The following FBN2 variants were observed in gnomAD, a reference collection of about 807,000 sequenced individuals.
FBN2 encodes fibrillin-2.
In FBN2, 105 loss-of-function variants were observed where a neutral mutation model predicts 355.6. That is an observed-to-expected ratio of 0.30 (90% CI 0.25 to 0.35). The LOEUF is 0.35. FBN2 is among the 10% of genes least tolerant of loss of function. The probability of loss-of-function intolerance (pLI) is 1.00; values close to 1 mark genes in which losing one functional copy is unlikely to be tolerated. For synonymous variants in FBN2, 1,350 were observed against 1,301.2 expected (o/e 1.04, Z -0.81); for missense variants, 3,280 against 3,758.7 (o/e 0.87, Z 3.33).
chr5:128,406,064 T>G (rs1220662279), intron 8 of FBN2, among the ~76,000 whole-genome samples: 1 of 152,132 alleles, frequency 6.6e-6, no homozygotes, highest in South Asian at 2.1e-4. Context: ...TCCTATAGAG[T>G]TCAAGAAAAT....
At chr5:128,261,708 G>A in intron 64 of FBN2, 28 bp downstream of exon 64, 1 of 1,611,840 alleles carries the variant, frequency 6.2e-7, no homozygotes. Context: ...ATAAAATTTT[G>A]TGGCAACACA....
rs1423176685 is a variant in FBN2, at chr5:128,427,609, G to A, written c.953-18810C>T. Among the ~76,000 whole-genome samples, 3 of 152,290 alleles carry A rather than the reference G, an allele frequency of 2.0e-5. No individual in the cohort carries two copies. The South Asian group carries it at 6.2e-4, about 32-fold the overall frequency. On this transcript the variant is annotated intron_variant, in intron 7 of 64. Transcript: ENST00000262464. Reference sequence around the variant, plus strand: ...TAAAGCTGCTCTTTATTAATCAATTGCAAATTGGAAAATATTTGGCTCTAC... The same window carrying A: ...TAAAGCTGCTCTTTATTAATCAATTACAAATTGGAAAATATTTGGCTCTAC...
intron 12 of FBN2, 150 bp from the exon 13 acceptor site, chr5:128,378,027 G>C: frequency 1.7e-6 from 1 of 604,056 alleles, no homozygotes; most frequent in Non-Finnish European, 2.8e-6. Context: ...TTTTTTTTTG[G>C]ATAGGTAGGT....
At chr5:128,327,303 T>A (rs1245133121) in intron 34 of FBN2, among the ~76,000 whole-genome samples, 1 of 152,212 alleles carries the variant, frequency 6.6e-6, no homozygotes, top group Non-Finnish European at 1.5e-5. Context: ...TTGGTTGCTA[T>A]TTCTGGAGAA....
At chr5:128,443,799 T>C (rs1013648414) in intron 7 of FBN2, among the ~76,000 whole-genome samples, 2 of 152,180 alleles carry the variant, frequency 1.3e-5, no homozygotes, top group African/African-American at 4.8e-5. Context: ...CTATGTTTTA[T>C]ATTTGCACTG....
rs759812339 is a variant in FBN2, at chr5:128,408,817, G to A, written c.953-18C>T. ...ATCAATGTCTAATCAAGGGAAGAAG[G>A]AGAAGATGATTGAGAAAGGCCTTCA... is the stretch of plus-strand genomic sequence containing the variant. On this transcript the variant is annotated intron_variant, in intron 7 of 64. Transcript: ENST00000262464. 7.4e-6 allele frequency: 12 copies of A among 1,613,588 alleles called. No homozygotes were observed. In the East Asian group the frequency reaches 2.2e-4, roughly 30 times the overall value.
chr5:128,296,693 T>C (rs1359863731), intron 48 of FBN2, among the ~76,000 whole-genome samples: 1 of 152,248 alleles, frequency 6.6e-6, no homozygotes, highest in Non-Finnish European at 1.5e-5. Flanking sequence ...ATCCCCTTTA[T>C]CATTTTTTAT....
At chr5:128,426,275 T>C (rs1487567810) in intron 7 of FBN2, among the ~76,000 whole-genome samples, 2 of 152,160 alleles carry the variant, frequency 1.3e-5, no homozygotes, top group Non-Finnish European at 2.9e-5. Flanking sequence ...CCCACACACT[T>C]CAGAGATCTT....
At chr5:128,511,893 G>A (rs773525047) in intron 5 of FBN2, among the ~76,000 whole-genome samples, 1 of 152,096 alleles carries the variant, frequency 6.6e-6, no homozygotes, top group Admixed American at 6.5e-5. Context: ...ACCTATATAT[G>A]AGTTATACTA....
intron 7 of FBN2, among the ~76,000 whole-genome samples, chr5:128,426,245 C>T (rs988258520): frequency 6.6e-6 from 1 of 152,204 alleles, no homozygotes; most frequent in African/African-American, 2.4e-5. Flanking sequence ...CATTACACAT[C>T]TGGACAATTC....
chr5:128,301,332 A>G (rs1561757764), intron 47 of FBN2, 50 bp downstream of exon 47: 25 of 1,533,084 alleles, frequency 1.6e-5, no homozygotes, highest in Non-Finnish European at 2.3e-5. Flanking sequence ...ACATATCATC[A>G]TTTTACAAAA....
At chr5:128,438,145 C>T (rs1356238740) in intron 7 of FBN2, among the ~76,000 whole-genome samples, 1 of 152,192 alleles carries the variant, frequency 6.6e-6, no homozygotes, top group Non-Finnish European at 1.5e-5. Flanking sequence ...GCACATACTA[C>T]CACGTCTGGC....
intron 49 of FBN2, among the ~76,000 whole-genome samples, 167 bp downstream of exon 49, chr5:128,291,362 C>G (rs2126821806): frequency 6.6e-6 from 1 of 152,034 alleles, no homozygotes. Context: ...TTCAAAGTAC[C>G]TTAAAAATTG....
intron 5 of FBN2, among the ~76,000 whole-genome samples, chr5:128,500,785 G>A (rs1456775076): frequency 6.6e-6 from 1 of 152,004 alleles, no homozygotes; most frequent in African/African-American, 2.4e-5. Context: ...TTCGTCTTTA[G>A]CTTATGGATA....
chr5:128,448,645 GAATATTGTAATATTGTA>G (rs990242119), intron 6 of FBN2, among the ~76,000 whole-genome samples: 1 of 151,964 alleles, frequency 6.6e-6, no homozygotes, highest in African/African-American at 2.4e-5. Flanking sequence ...TATTGTAAAG[GAATATTGTAATATTGTA>G]AATATTGTAA....
rs2112812035 is a variant in FBN2, at chr5:128,538,083, G to C, written c.-480C>G. ...GAAAGAAACAGGCAAGCAAACAAAA[G>C]TCGCCCCCAGAAGAAGAGGAGGGTT... On this transcript the variant is annotated 5_prime_UTR_variant, in exon 1 of 65. Coordinates refer to ENST00000262464, the MANE Select transcript of FBN2 (RefSeq NM_001999.4). 6.2e-6 allele frequency: 1 copy of C among 162,152 alleles called. No homozygotes were observed. Among genetic ancestry groups the C allele is most frequent in the Non-Finnish European group, 1.3e-5 (1 of 74,810 alleles). 10.0% of individuals were successfully genotyped at this position (162,152 alleles called of 1,614,324 possible).
intron 36 of FBN2, among the ~76,000 whole-genome samples, chr5:128,315,344 T>C (rs911307514): frequency 1.3e-5 from 2 of 152,204 alleles, no homozygotes; most frequent in African/African-American, 4.8e-5. Flanking sequence ...ACTAATTGCT[T>C]ATCAACTGTC....
chr5:128,536,375 A>AAGC (rs775642647), intron 2 of FBN2, 27 bp downstream of exon 2: 1 of 1,595,072 alleles, frequency 6.3e-7, no homozygotes. Context: ...GCGCTGCCCC[A>AAGC]AGCTGCGATC....
chr5:128,486,018 C>A (rs1755327892), intron 5 of FBN2, among the ~76,000 whole-genome samples: 1 of 152,084 alleles, frequency 6.6e-6, no homozygotes, highest in Non-Finnish European at 1.5e-5. Flanking sequence ...CATTTAAGTA[C>A]AGGATTTATT....
Sources: allele counts gnomAD v4.1 joint callset (sites outside exome capture counted in the v4.1 genomes callset), GRCh38; gene constraint gnomAD v4.1.1; transcripts MANE v1.5; gene names NCBI Gene and HGNC (gene_info 2026-07-23, HGNC 2026-07-21).